The following CSMD3 variants were observed in gnomAD, a reference collection of about 807,000 sequenced individuals.
CSMD3 encodes CUB and sushi domain-containing protein 3.
CSMD3 carries 177 observed loss-of-function variants against 435.2 expected under a neutral mutation model. The observed-to-expected ratio is 0.41, with a 90% CI of 0.36 to 0.46. The LOEUF (loss-of-function observed/expected upper bound fraction) is 0.46. CSMD3 is among the 20% of genes least tolerant of loss of function. CSMD3 has a pLI of 0.34. For synonymous variants in CSMD3, 1,656 were observed against 1,520.5 expected, an observed-to-expected ratio of 1.09 and a Z score of -2.07; for missense variants, 4,265 against 4,504.6, an observed-to-expected ratio of 0.95 and a Z score of 1.52.
chr8:112,845,699 T>C (rs1442913710), intron 11 of CSMD3, among the ~76,000 whole-genome samples: 1 of 151,898 alleles, frequency 6.6e-6, no homozygotes, highest in African/African-American at 2.4e-5. Context: ...GTAACAGGCT[T>C]GGAGTAAGCA....
At chr8:112,830,385 C>T (rs549337508) in intron 11 of CSMD3, among the ~76,000 whole-genome samples, 3 of 152,178 alleles carry the variant, frequency 2.0e-5, no homozygotes, top group East Asian at 3.9e-4. Context: ...CTTTGAGAGG[C>T]ACACTATACC....
chr8:112,744,442 CT>C (rs563116695), intron 13 of CSMD3, among the ~76,000 whole-genome samples: 47 of 152,018 alleles, frequency 3.1e-4, no homozygotes, highest in Admixed American at 7.9e-4. Context: ...CATAGGAAGA[CT>C]TTTTTTGTGT....
At chr8:112,483,173 A>T (rs1250120346) in intron 31 of CSMD3, among the ~76,000 whole-genome samples, 1 of 152,194 alleles carries the variant, frequency 6.6e-6, no homozygotes, top group Non-Finnish European at 1.5e-5. Context: ...AGAGTACAAC[A>T]TAAAACTCAG....
At chr8:112,413,590 T>A (rs1271719229) in intron 32 of CSMD3, among the ~76,000 whole-genome samples, 1 of 152,164 alleles carries the variant, frequency 6.6e-6, no homozygotes, top group African/African-American at 2.4e-5. Context: ...ACAGTTACCC[T>A]GAAAGCATCA....
intron 3 of CSMD3, among the ~76,000 whole-genome samples, chr8:113,231,004 T>C (rs1221834286): frequency 1.3e-5 from 2 of 151,450 alleles, no homozygotes; most frequent in African/African-American, 4.8e-5. Context: ...TCCTTTGTTC[T>C]ATCTCAATTT....
intron 19 of CSMD3, among the ~76,000 whole-genome samples, chr8:112,646,484 T>C (rs917654030): frequency 6.6e-6 from 1 of 152,178 alleles, no homozygotes; most frequent in African/African-American, 2.4e-5. Flanking sequence ...AGACACTTTG[T>C]CAAGTATCCT....
At chr8:112,664,754 C>A (rs1356120159) in intron 17 of CSMD3, among the ~76,000 whole-genome samples, 1 of 152,066 alleles carries the variant, frequency 6.6e-6, no homozygotes, top group Non-Finnish European at 1.5e-5. Flanking sequence ...CACACACACA[C>A]AGAAAATCAC....
At chr8:112,394,685 A>T (rs539295576) in intron 35 of CSMD3, among the ~76,000 whole-genome samples, 1 of 152,282 alleles carries the variant, frequency 6.6e-6, no homozygotes, top group East Asian at 1.9e-4. Context: ...AAATGGCAGC[A>T]TGCTCTGGGT....
chr8:113,270,599 G>C (rs55920212), intron 3 of CSMD3, among the ~76,000 whole-genome samples: 3,234 of 152,132 alleles, frequency 0.021, 126 homozygotes, highest in African/African-American at 0.074. Flanking sequence ...TGATAGACTG[G>C]ATTAAGAAAA....
intron 45 of CSMD3, among the ~76,000 whole-genome samples, chr8:112,328,039 A>C (rs1823676743): frequency 6.6e-6 from 1 of 152,212 alleles, no homozygotes; most frequent in Non-Finnish European, 1.5e-5. Flanking sequence ...AAAAAGCACA[A>C]GCACATAACC....
chr8:112,867,614 G>T (rs1479048189), intron 10 of CSMD3, among the ~76,000 whole-genome samples: 1 of 151,946 alleles, frequency 6.6e-6, no homozygotes, highest in Non-Finnish European at 1.5e-5. Flanking sequence ...TACTCTACTG[G>T]ATACACTGTA....
At chr8:113,207,536 C>T (rs980950620) in intron 3 of CSMD3, among the ~76,000 whole-genome samples, 4 of 152,056 alleles carry the variant, frequency 2.6e-5, no homozygotes, top group Non-Finnish European at 5.9e-5. Flanking sequence ...GCATGCACCA[C>T]CACATCAGGC....
chr8:112,241,091 C>T (rs929149185), intron 66 of CSMD3, among the ~76,000 whole-genome samples: 2 of 151,904 alleles, frequency 1.3e-5, no homozygotes, highest in African/African-American at 2.4e-5. Context: ...CTATGGGCTA[C>T]GCACTCTGCA....
At chr8:112,720,822 A>T (rs1238296192) in intron 13 of CSMD3, among the ~76,000 whole-genome samples, 2 of 152,210 alleles carry the variant, frequency 1.3e-5, no homozygotes, top group South Asian at 2.1e-4. Context: ...AAATTTATAT[A>T]TTTTCTGTTT....
chr8:112,544,053 T>C (rs1826931383), intron 27 of CSMD3, among the ~76,000 whole-genome samples: 1 of 152,130 alleles, frequency 6.6e-6, no homozygotes, highest in Admixed American at 6.6e-5. Context: ...AAATGGTTTT[T>C]TCCAGGGGCT....
intron 6 of CSMD3, 32 bp downstream of exon 6, chr8:113,019,035 T>A (rs762892633): frequency 7.5e-7 from 1 of 1,335,760 alleles, no homozygotes; most frequent in Admixed American, 1.7e-5. Flanking sequence ...ATTTTACATA[T>A]CAAAAGAGGC....
chr8:112,318,577 A>G (rs1025742412), intron 47 of CSMD3, among the ~76,000 whole-genome samples: 2 of 152,048 alleles, frequency 1.3e-5, no homozygotes, highest in African/African-American at 4.8e-5. Context: ...CCCTAAGAGC[A>G]AAATAATTGA....
intron 38 of CSMD3, among the ~76,000 whole-genome samples, chr8:112,370,362 G>A (rs1828272521): frequency 6.6e-6 from 1 of 152,090 alleles, no homozygotes; most frequent in Non-Finnish European, 1.5e-5. Flanking sequence ...TATTACCTAA[G>A]CATTAGAACT....
intron 33 of CSMD3, 125 bp downstream of exon 33, chr8:112,408,794 G>A (rs903126664): frequency 1.7e-5 from 25 of 1,469,350 alleles, no homozygotes; most frequent in Non-Finnish European, 2.1e-5. Context: ...AAAAAAAAAG[G>A]TGACACTATT....
Sources: gnomAD v4.1 joint callset for allele counts (sites outside exome capture counted in the v4.1 genomes callset) on GRCh38, gnomAD v4.1.1 for gene constraint, MANE v1.5 for transcripts, NCBI Gene and HGNC (gene_info 2026-07-23, HGNC 2026-07-21) for gene names.